The following ADK variants were observed in gnomAD, a reference collection of about 807,000 sequenced individuals.
ADK encodes the protein N6,N6-dimethyladenosine kinase.
In ADK, 24 loss-of-function variants were observed where a neutral mutation model predicts 44.7. The observed-to-expected ratio is 0.54, with a 90% CI of 0.39 to 0.76. ADK has a LOEUF of 0.76. ADK is among the 30% of genes least tolerant of loss of function. The pLI, the probability that ADK is intolerant of heterozygous loss-of-function variation, is 0.00. For missense variants in ADK, 321 were observed against 425.1 expected, an observed-to-expected ratio of 0.76 and a Z score of 2.15; for synonymous variants, 128 against 142.6, an observed-to-expected ratio of 0.90 and a Z score of 0.73.
intron 7 of ADK, among the ~76,000 whole-genome samples, chr10:74,542,138 G>A (rs946973333): frequency 1.5e-4 from 23 of 152,102 alleles, no homozygotes; most frequent in Non-Finnish European, 3.2e-4. Flanking sequence ...CTACTTGGGA[G>A]GCTGAGGTAA....
In ADK at chr10:74,352,386, A is replaced by T. The variant is rs192632611; in HGVS notation, c.273+37641A>T. ...TGGCTAGCCATATGCAGAAAATTGAACCTGGATCACTGCCTTACACATTAT... is the reference window on the plus strand; with the variant it reads ...TGGCTAGCCATATGCAGAAAATTGATCCTGGATCACTGCCTTACACATTAT... On this transcript the variant is annotated intron_variant, in intron 4 of 10. Transcript: ENST00000539909. Among the ~76,000 whole-genome samples the T allele has an allele frequency of 6.6e-4, 100 of 152,322 alleles. 1 individual carries two copies. In the East Asian group the frequency reaches 0.015, roughly 22 times the overall value.
chr10:74,436,835 G>A (rs938530437), intron 6 of ADK, among the ~76,000 whole-genome samples: 1 of 152,064 alleles, frequency 6.6e-6, no homozygotes, highest in African/African-American at 2.4e-5. Context: ...GAATCTAGGG[G>A]TAATCAAATT....
intron 1 of ADK, among the ~76,000 whole-genome samples, chr10:74,199,949 A>G (rs1298448405): frequency 6.6e-6 from 1 of 151,500 alleles, no homozygotes; most frequent in Admixed American, 6.6e-5. Flanking sequence ...AAGTGCTGGG[A>G]TTACAGGTGT....
At chr10:74,288,245 C>T (rs887261633) in intron 3 of ADK, among the ~76,000 whole-genome samples, 14 of 152,072 alleles carry the variant, frequency 9.2e-5, no homozygotes, top group African/African-American at 2.9e-4. Flanking sequence ...ACTTGAAGTA[C>T]AGTGAATCAT....
At chr10:74,601,455 A>G (rs1852116566) in intron 9 of ADK, among the ~76,000 whole-genome samples, 2 of 152,144 alleles carry the variant, frequency 1.3e-5, no homozygotes, top group African/African-American at 4.8e-5. Context: ...AGATATATAT[A>G]GATCAACTTT....
chr10:74,238,965 A>C (rs1438506968), intron 3 of ADK, among the ~76,000 whole-genome samples: 1 of 146,836 alleles, frequency 6.8e-6, no homozygotes, highest in Non-Finnish European at 1.5e-5. Context: ...GTTTCAAATG[A>C]TACTTATGCC....
chr10:74,570,018 T>G (rs1850881494), intron 7 of ADK, among the ~76,000 whole-genome samples: 1 of 152,162 alleles, frequency 6.6e-6, no homozygotes, highest in Admixed American at 6.5e-5. Flanking sequence ...CAGCACCATT[T>G]ATTAAATAGG....
At chr10:74,544,881 G>A (rs1211518667) in intron 7 of ADK, among the ~76,000 whole-genome samples, 1 of 151,514 alleles carries the variant, frequency 6.6e-6, no homozygotes, top group East Asian at 1.9e-4. Flanking sequence ...GAAAACCGAG[G>A]AGTTTTTTCT....
intron 4 of ADK, among the ~76,000 whole-genome samples, chr10:74,356,638 G>T (rs1245952591): frequency 6.6e-6 from 1 of 152,152 alleles, no homozygotes; most frequent in Non-Finnish European, 1.5e-5. Flanking sequence ...TCTCTAGCAA[G>T]CCTATTTCAA....
At chr10:74,427,727 ATGTGTGTGTGTGTG>A (rs35949478) in intron 6 of ADK, among the ~76,000 whole-genome samples, 1 of 148,398 alleles carries the variant, frequency 6.7e-6, no homozygotes, top group African/African-American at 2.5e-5. Context: ...ATGTATATGT[ATGTGTGTGTGTGTG>A]TGTGTGTGTG....
At chr10:74,408,772 T>C (rs1298308646) in intron 6 of ADK, among the ~76,000 whole-genome samples, 15 of 152,182 alleles carry the variant, frequency 9.9e-5, no homozygotes, top group Non-Finnish European at 5.9e-5. Flanking sequence ...TATATTATTA[T>C]TCATTAAGTG....
chr10:74,413,026 C>G lies in ADK; in HGVS notation c.555+14447C>G, dbSNP rs150814431. 5.1e-3 allele frequency among the ~76,000 whole-genome samples: 773 copies of G among 152,086 alleles called. 22 individuals carry two copies. Among genetic ancestry groups the G allele is most frequent in the Non-Finnish European group, 1.1e-3 (72 of 67,982 alleles). ...TGAGCCAAGATTGCGCCATTGCACTCCAGCCTGGGTGACAAGAGTGAAACT... is the reference window on the plus strand; with the variant it reads ...TGAGCCAAGATTGCGCCATTGCACTGCAGCCTGGGTGACAAGAGTGAAACT... On this transcript the variant is annotated intron_variant, in intron 6 of 10. Transcript: ENST00000539909.
rs1022322343 is a variant in ADK, at chr10:74,620,025, C to T, written c.877+19532C>T. ...GCGTGAGCCACAACACCCTGCCCAT[C>T]GTGATGTTTTGATACATATAATGTA... is the stretch of plus-strand genomic sequence containing the variant. On this transcript the variant is annotated intron_variant, in intron 9 of 10. Coordinates refer to ENST00000539909, the MANE Select transcript of ADK (RefSeq NM_006721.4). 2.0e-5 allele frequency among the ~76,000 whole-genome samples: 3 copies of T among 152,112 alleles called. 1 individual carries two copies. The highest frequency in any genetic ancestry group is 4.1e-4 in the South Asian group (2 of 4,828).
At chr10:74,406,832 C>T (rs1202595370) in intron 6 of ADK, among the ~76,000 whole-genome samples, 1 of 151,956 alleles carries the variant, frequency 6.6e-6, no homozygotes, top group Non-Finnish European at 1.5e-5. Flanking sequence ...AGGCACGCCT[C>T]ACCACACCCG....
intron 4 of ADK, among the ~76,000 whole-genome samples, chr10:74,328,269 A>C (rs959011602): frequency 3.3e-5 from 5 of 152,158 alleles, no homozygotes; most frequent in African/African-American, 9.7e-5. Context: ...TCCCACTATC[A>C]ATTGTTGTAG....
At chr10:74,480,968 C>T (rs1344386487) in intron 6 of ADK, among the ~76,000 whole-genome samples, 1 of 152,046 alleles carries the variant, frequency 6.6e-6, no homozygotes, top group Non-Finnish European at 1.5e-5. Flanking sequence ...TCCATTTCAT[C>T]TACTTTCTCT....
chr10:74,444,148 A>C (rs776028462), intron 6 of ADK, among the ~76,000 whole-genome samples: 9 of 152,206 alleles, frequency 5.9e-5, no homozygotes, highest in Non-Finnish European at 1.3e-4. Context: ...CACTATGCCC[A>C]AATGAGTAAT....
At chr10:74,156,053 T>G (rs1015890528) in intron 1 of ADK, among the ~76,000 whole-genome samples, 1 of 152,114 alleles carries the variant, frequency 6.6e-6, no homozygotes, top group African/African-American at 2.4e-5. Context: ...CTTAATAAGA[T>G]CCTTTCCTGG....
At chr10:74,675,953 G>A (rs80307674) in intron 10 of ADK, among the ~76,000 whole-genome samples, 65 of 151,112 alleles carry the variant, frequency 4.3e-4, no homozygotes, top group African/African-American at 1.5e-3. Flanking sequence ...CTGAAAGTGA[G>A]TACACCTTTG....
Sources: allele counts gnomAD v4.1 joint callset (sites outside exome capture counted in the v4.1 genomes callset), GRCh38; gene constraint gnomAD v4.1.1; transcripts MANE v1.5; gene names NCBI Gene and HGNC (gene_info 2026-07-23, HGNC 2026-07-21).